Variants in ADAMTS17 observed in about 807,000 individuals in gnomAD.
ADAMTS17 encodes A disintegrin and metalloproteinase with thrombospondin motifs 17.
ADAMTS17 carries 113 observed loss-of-function variants against 141.5 expected under a neutral mutation model. The observed-to-expected ratio is 0.80, with a 90% confidence interval of 0.69 to 0.93. ADAMTS17 has a LOEUF of 0.93. Among genes scored for constraint, ADAMTS17 ranks in the 40% least tolerant of loss-of-function variants. The pLI is 0.00. For missense variants in ADAMTS17, 1,659 were observed against 1,517.9 expected, an observed-to-expected ratio of 1.09 and a Z score of -1.54; for synonymous variants, 768 against 630.6, an observed-to-expected ratio of 1.22 and a Z score of -3.27.
At chr15:100,166,005 A>G (rs1387062540) in intron 8 of ADAMTS17, among the ~76,000 whole-genome samples, 2 of 152,164 alleles carry the variant, frequency 1.3e-5, no homozygotes, top group Admixed American at 1.3e-4. Flanking sequence ...CACTGAATAC[A>G]CTGATTACTT....
intron 20 of ADAMTS17, among the ~76,000 whole-genome samples, chr15:99,987,107 G>A (rs534432281): frequency 6.6e-6 from 1 of 152,306 alleles, no homozygotes; most frequent in East Asian, 1.9e-4. Flanking sequence ...CCATGCCTGG[G>A]CGTCCTCCCC....
chr15:100,015,244 A>G (rs1435398706), intron 18 of ADAMTS17, among the ~76,000 whole-genome samples: 1 of 152,038 alleles, frequency 6.6e-6, no homozygotes, highest in African/African-American at 2.4e-5. Flanking sequence ...ACTTTAGTTT[A>G]TGTGAGTCTC....
intron 18 of ADAMTS17, among the ~76,000 whole-genome samples, chr15:100,003,043 T>C (rs2060961341): frequency 6.6e-6 from 1 of 152,018 alleles, no homozygotes; most frequent in South Asian, 2.1e-4. Flanking sequence ...GCAATGGGCA[T>C]CGCCAGATGG....
rs187396632 is a variant in ADAMTS17 at position 100,067,967 on chromosome 15, G to A, written c.2138-13913C>T. Among the ~76,000 whole-genome samples the A allele has an allele frequency of 2.1e-4, 32 of 152,282 alleles. No homozygotes were observed. In the East Asian group the frequency reaches 2.9e-3, roughly 14 times the overall value. On this transcript the variant is annotated intron_variant, in intron 15 of 21. Coordinates refer to ENST00000268070, the MANE Select transcript of ADAMTS17 (RefSeq NM_139057.4). ...AGCAGGGCGAGGCATCCCATCACCC[G>A]GGAAGCGCAAGGGGTCAGGGAATTC...
intron 10 of ADAMTS17, 61 bp downstream of exon 10, chr15:100,152,551 C>A: frequency 6.2e-7 from 1 of 1,605,474 alleles, no homozygotes. Context: ...AGAAGCCAGA[C>A]CTGCTGTGGG....
At chr15:100,117,740 T>C (rs1355637999) in intron 12 of ADAMTS17, among the ~76,000 whole-genome samples, 1 of 152,172 alleles carries the variant, frequency 6.6e-6, no homozygotes, top group Admixed American at 6.5e-5. Flanking sequence ...GGCCCCAGGG[T>C]GTCCTTGACA....
chr15:100,102,990 G>A (rs898520029), intron 14 of ADAMTS17, among the ~76,000 whole-genome samples: 11 of 152,188 alleles, frequency 7.2e-5, no homozygotes, highest in Non-Finnish European at 1.3e-4. Flanking sequence ...GGCCTCTGCT[G>A]CTTTGTTCCT....
intron 12 of ADAMTS17, chr15:100,128,651 T>C (rs55876017): frequency 0.19 from 29,347 of 152,148 alleles, 3,465 homozygotes; most frequent in Non-Finnish European, 0.27. Flanking sequence ...AACTTTGTGA[T>C]TTACAGAACA....
chr15:100,063,598 G>C (rs1178127913), intron 15 of ADAMTS17: 3 of 1,204,566 alleles, frequency 2.5e-6, no homozygotes, highest in Non-Finnish European at 3.3e-6. Flanking sequence ...CGGGAGGAAT[G>C]ACACTGAACC....
intron 8 of ADAMTS17, among the ~76,000 whole-genome samples, chr15:100,178,312 C>G (rs1158381030): frequency 6.6e-6 from 1 of 152,126 alleles, no homozygotes; most frequent in Non-Finnish European, 1.5e-5. Context: ...AAAAATATCA[C>G]TCTGTATAGT....
At chr15:100,247,810 G>A (rs11247172) in intron 7 of ADAMTS17, among the ~76,000 whole-genome samples, 44,690 of 151,814 alleles carry the variant, frequency 0.29, 7,032 homozygotes, top group South Asian at 0.43. Context: ...TGGCCTCATG[G>A]TGGGCTGGCC....
chr15:100,028,658 A>C (rs938674359), intron 18 of ADAMTS17, among the ~76,000 whole-genome samples: 1 of 152,242 alleles, frequency 6.6e-6, no homozygotes, highest in African/African-American at 2.4e-5. Flanking sequence ...CCTGTCGTAC[A>C]GACAGGTTGA....
chr15:100,221,826 G>C (rs2042142343), intron 7 of ADAMTS17, among the ~76,000 whole-genome samples: 1 of 152,194 alleles, frequency 6.6e-6, no homozygotes, highest in Admixed American at 6.5e-5. Context: ...AACAGGGCCT[G>C]AAATAAGGCT....
intron 15 of ADAMTS17, among the ~76,000 whole-genome samples, chr15:100,065,355 T>A (rs1023972475): frequency 6.6e-6 from 1 of 152,192 alleles, no homozygotes; most frequent in Non-Finnish European, 1.5e-5. Flanking sequence ...TCAAAAATTA[T>A]AAAAGGATCA....
chr15:100,060,647 C>T (rs913145713), intron 15 of ADAMTS17, among the ~76,000 whole-genome samples: 3 of 152,256 alleles, frequency 2.0e-5, no homozygotes, highest in Non-Finnish European at 4.4e-5. Context: ...ACCTGACCCA[C>T]AGTCAACCTA....
intron 20 of ADAMTS17, chr15:99,980,348 A>C (rs1191337151): frequency 6.6e-6 from 1 of 152,224 alleles, no homozygotes; most frequent in Admixed American, 6.5e-5. Context: ...AAACAGAGAG[A>C]TACACCTGCT....
At chr15:100,040,207 A>G (rs1010735155) in intron 18 of ADAMTS17, among the ~76,000 whole-genome samples, 1 of 152,224 alleles carries the variant, frequency 6.6e-6, no homozygotes, top group Non-Finnish European at 1.5e-5. Flanking sequence ...TTTGAGACGC[A>G]GCCACCAACA....
At chr15:100,237,719 G>C (rs539469257) in intron 7 of ADAMTS17, among the ~76,000 whole-genome samples, 2 of 152,186 alleles carry the variant, frequency 1.3e-5, no homozygotes, top group African/African-American at 4.8e-5. Context: ...CGCCTCCCAG[G>C]TTCAAGCAAT....
intron 18 of ADAMTS17, among the ~76,000 whole-genome samples, chr15:100,001,464 C>G (rs2060921564): frequency 6.6e-6 from 1 of 151,562 alleles, no homozygotes; most frequent in African/African-American, 2.4e-5. Context: ...TAAATCTGTC[C>G]AAACCCACAA....
Sources: gnomAD v4.1 joint callset for allele counts (sites outside exome capture counted in the v4.1 genomes callset) on GRCh38, gnomAD v4.1.1 for gene constraint, MANE v1.5 for transcripts, NCBI Gene and HGNC (gene_info 2026-07-23, HGNC 2026-07-21) for gene names.